Variants in CSMD3 observed in about 807,000 individuals in gnomAD.
CSMD3 encodes the protein CUB and Sushi multiple domains 3, also known as CUB and sushi domain-containing protein 3.
CSMD3 carries 177 observed loss-of-function variants against 435.2 expected under a neutral mutation model. The observed-to-expected ratio is 0.41, with a 90% CI of 0.36 to 0.46. The LOEUF (loss-of-function observed/expected upper bound fraction) is 0.46. Ranked by LOEUF, CSMD3 falls within the 20% of genes least tolerant of loss-of-function variation. The pLI is 0.34. For missense variants in CSMD3, 4,265 were observed against 4,504.6 expected (o/e 0.95, Z 1.52); for synonymous variants, 1,656 against 1,520.5 (o/e 1.09, Z -2.07).
At chr8:112,453,943 C>T (rs1816559415) in intron 32 of CSMD3, among the ~76,000 whole-genome samples, 1 of 152,022 alleles carries the variant, frequency 6.6e-6, no homozygotes. Flanking sequence ...GAATAGAAAA[C>T]CCAGAAATAA....
chr8:113,098,662 A>G (rs1383859706), intron 5 of CSMD3, 94 bp downstream of exon 5: 1 of 860,508 alleles, frequency 1.2e-6, no homozygotes, highest in Non-Finnish European at 1.9e-6. Flanking sequence ...TCTTTTAAAT[A>G]TCCAAACCTG....
At chr8:112,848,701 A>C (rs1479705122) in intron 11 of CSMD3, among the ~76,000 whole-genome samples, 1 of 152,094 alleles carries the variant, frequency 6.6e-6, no homozygotes, top group African/African-American at 2.4e-5. Flanking sequence ...TGAGGCATGG[A>C]TGATTACCCC....
chr8:112,340,648 A>T (rs1478610987), intron 42 of CSMD3, among the ~76,000 whole-genome samples: 2 of 152,160 alleles, frequency 1.3e-5, no homozygotes, highest in Non-Finnish European at 2.9e-5. Context: ...AATAAACTTT[A>T]TTATGTAAAA....
At chr8:112,869,037 G>C (rs1222492386) in intron 10 of CSMD3, among the ~76,000 whole-genome samples, 2 of 152,120 alleles carry the variant, frequency 1.3e-5, no homozygotes, top group Non-Finnish European at 2.9e-5. Flanking sequence ...GATATTGATA[G>C]GAGGAGAGAG....
intron 21 of CSMD3, among the ~76,000 whole-genome samples, chr8:112,637,794 CT>C (rs1041777376): frequency 1.3e-5 from 2 of 151,942 alleles, no homozygotes; most frequent in Admixed American, 6.6e-5. Flanking sequence ...ATTACTTGGA[CT>C]TTTTTTAACA....
At chr8:112,687,896 A>G (rs979902545) in intron 14 of CSMD3, among the ~76,000 whole-genome samples, 1 of 152,150 alleles carries the variant, frequency 6.6e-6, no homozygotes, top group African/African-American at 2.4e-5. Context: ...GGGTGCACAC[A>G]TACTTACTCC....
rs191905756 is a variant in CSMD3, at chr8:113,032,772, C to T, written c.918-13593G>A. Among the ~76,000 whole-genome samples the T allele has an allele frequency of 1.8e-3, 279 of 151,584 alleles. 4 individuals carry two copies. Among genetic ancestry groups the T allele is most frequent in the Middle Eastern group, 6.8e-3 (2 of 294 alleles). ...AGCCAAGACAATGGGGAAAATGTCT[C>T]CAGGGCATGTCAGAGAACTTCACAG... On this transcript the variant is annotated intron_variant, in intron 5 of 70. Transcript: ENST00000297405.
chr8:113,039,439 A>T (rs890282248), intron 5 of CSMD3, among the ~76,000 whole-genome samples: 1 of 152,190 alleles, frequency 6.6e-6, no homozygotes, highest in Non-Finnish European at 1.5e-5. Context: ...GCTTATGAAG[A>T]TATATTCACA....
At chr8:113,308,258 CTTTTTTT>C (rs11440584) in intron 2 of CSMD3, among the ~76,000 whole-genome samples, 1 of 64,918 alleles carries the variant, frequency 1.5e-5, no homozygotes, top group African/African-American at 6.1e-5. Flanking sequence ...TCATTTAAGT[CTTTTTTT>C]TTTTTTTTTT....
At chr8:112,286,935 G>T in intron 58 of CSMD3, 129 bp downstream of exon 58, 1 of 781,078 alleles carries the variant, frequency 1.3e-6, no homozygotes, top group Non-Finnish European at 2.2e-6. Context: ...ATGGGAATAC[G>T]ACTGTTTTAT....
Position 112,625,039 on chromosome 8 carries a change from GA to G in CSMD3, c.3715+11777del, listed in dbSNP as rs201292501. 4.7e-3 allele frequency among the ~76,000 whole-genome samples: 701 copies of G among 149,110 alleles called. 20 individuals are homozygous for G. The highest frequency in any genetic ancestry group is 0.042 in the Admixed American group (635 of 14,962). Reference sequence around the variant, plus strand: ...TGTTGCAGGGGAGGGGATTCGAGAGGAAAAAAAAAGAAAAGAAAACATAGTA... The same window carrying G: ...TGTTGCAGGGGAGGGGATTCGAGAGGAAAAAAAAGAAAAGAAAACATAGTA... On this transcript the variant is annotated intron_variant, in intron 22 of 70. Coordinates refer to ENST00000297405, the MANE Select transcript of CSMD3 (RefSeq NM_198123.2).
chr8:112,542,947 C>A (rs1445185401), intron 27 of CSMD3, among the ~76,000 whole-genome samples: 3 of 151,924 alleles, frequency 2.0e-5, no homozygotes, highest in African/African-American at 4.8e-5. Context: ...TAAGACAGGG[C>A]AACAAAAAGG....
intron 3 of CSMD3, among the ~76,000 whole-genome samples, chr8:113,252,888 G>T (rs2093346817): frequency 6.6e-6 from 1 of 152,044 alleles, no homozygotes; most frequent in Non-Finnish European, 1.5e-5. Context: ...ACATTGCAAA[G>T]AATCAATGCT....
intron 2 of CSMD3, among the ~76,000 whole-genome samples, chr8:113,279,473 T>C (rs1179867722): frequency 1.3e-5 from 2 of 151,654 alleles, no homozygotes; most frequent in African/African-American, 4.8e-5. Flanking sequence ...TTGTATTAAA[T>C]AATATTTGAA....
chr8:112,849,947 A>C (rs552427440), intron 11 of CSMD3, among the ~76,000 whole-genome samples: 7 of 152,188 alleles, frequency 4.6e-5, no homozygotes, highest in Non-Finnish European at 8.8e-5. Flanking sequence ...AGTTTCTCAA[A>C]GTTAAATTGT....
At chr8:112,935,149 G>A (rs2083241343) in intron 9 of CSMD3, among the ~76,000 whole-genome samples, 1 of 152,064 alleles carries the variant, frequency 6.6e-6, no homozygotes, top group African/African-American at 2.4e-5. Context: ...ATTTATTGAA[G>A]AAAGTGTCCT....
At chr8:112,378,407 C>G (rs918163004) in intron 38 of CSMD3, among the ~76,000 whole-genome samples, 1 of 152,046 alleles carries the variant, frequency 6.6e-6, no homozygotes, top group Non-Finnish European at 1.5e-5. Context: ...AGCGAAGACA[C>G]GGAATCAACC....
intron 42 of CSMD3, 39 bp downstream of exon 42, chr8:112,341,438 G>T (rs1177608429): frequency 5.7e-6 from 7 of 1,220,298 alleles, no homozygotes; most frequent in Non-Finnish European, 8.5e-6. Flanking sequence ...TAGCTGATTT[G>T]GGGTTATATA....
intron 62 of CSMD3, 92 bp from the exon 63 acceptor site, chr8:112,254,418 G>T: frequency 1.2e-6 from 1 of 864,220 alleles, no homozygotes; most frequent in Non-Finnish European, 2.0e-6. Flanking sequence ...TCTGGGGTTT[G>T]GTACAAAGGA....
Sources: gnomAD v4.1 joint callset for allele counts (sites outside exome capture counted in the v4.1 genomes callset) on GRCh38, gnomAD v4.1.1 for gene constraint, MANE v1.5 for transcripts, NCBI Gene and HGNC (gene_info 2026-07-23, HGNC 2026-07-21) for gene names.